Variants in NUP153 observed in about 807,000 individuals in gnomAD.
NUP153 encodes nucleoporin 153.
In NUP153, 27 loss-of-function variants were observed where a neutral mutation model predicts 134.6. That is an observed-to-expected ratio of 0.20 (90% CI 0.15 to 0.28). The LOEUF is 0.28. NUP153 is among the 10% of genes least tolerant of loss of function. NUP153 has a pLI of 1.00. For synonymous variants in NUP153, 640 were observed against 623.5 expected (o/e 1.03, Z -0.40); for missense variants, 1,821 against 1,731.3 (o/e 1.05, Z -0.92).
intron 20 of NUP153, among the ~76,000 whole-genome samples, chr6:17,618,069 T>C (rs1764432965): frequency 2.6e-5 from 4 of 152,152 alleles, no homozygotes; most frequent in African/African-American, 7.2e-5. Flanking sequence ...CCCAGAACAC[T>C]GGCAAATGAA....
At chr6:17,687,076 C>T (rs1317629056) in intron 2 of NUP153, among the ~76,000 whole-genome samples, 1 of 151,992 alleles carries the variant, frequency 6.6e-6, no homozygotes, top group Non-Finnish European at 1.5e-5. Context: ...TTGAGTTGAC[C>T]TTGGCATAAA....
intron 1 of NUP153, among the ~76,000 whole-genome samples, chr6:17,705,998 C>G (rs1183114800): frequency 1.3e-5 from 2 of 152,164 alleles, no homozygotes; most frequent in African/African-American, 4.8e-5. Flanking sequence ...CATGGGCCTA[C>G]AATTTCTTTT....
intron 17 of NUP153, among the ~76,000 whole-genome samples, chr6:17,631,411 T>TG (rs1414752534): frequency 6.6e-6 from 1 of 152,246 alleles, no homozygotes; most frequent in Non-Finnish European, 1.5e-5. Context: ...TACATGGATA[T>TG]GTTGCCTGGC....
chr6:17,631,079 G>A (rs1332331445), intron 17 of NUP153, among the ~76,000 whole-genome samples: 1 of 152,138 alleles, frequency 6.6e-6, no homozygotes, highest in Non-Finnish European at 1.5e-5. Context: ...ACACTTAAAT[G>A]CAGTGTTTTT....
At chr6:17,677,942 T>A (rs1161247019) in intron 2 of NUP153, among the ~76,000 whole-genome samples, 4 of 152,150 alleles carry the variant, frequency 2.6e-5, no homozygotes, top group African/African-American at 9.7e-5. Context: ...AGAGTTTTCT[T>A]ATTCTAACAC....
At chr6:17,704,443 T>C (rs539390500) in intron 1 of NUP153, among the ~76,000 whole-genome samples, 48 of 152,180 alleles carry the variant, frequency 3.2e-4, no homozygotes, top group Non-Finnish European at 3.8e-4. Flanking sequence ...AAGGCATTCA[T>C]AGGAGAAAAG....
In NUP153 at chr6:17,625,759, TAAGTA is replaced by T; in HGVS notation, c.3901+44_3901+48del. The T allele has an allele frequency of 7.3e-7, 1 of 1,374,580 alleles. No individual in the cohort carries two copies. Among genetic ancestry groups the T allele is most frequent in the South Asian group, 1.2e-5 (1 of 82,236 alleles). The allele number at this position is 1,374,580 out of a possible 1,614,324, so 85.1% of individuals were successfully genotyped here. The stretch of plus-strand genomic sequence containing the variant: ...TATTCGCTAAGAACTGACACACTAA[TAAGTA>T]AAGTCCATCCAATTACAATGCATTT... On this transcript the variant is annotated intron_variant, in intron 19 of 21. Coordinates refer to ENST00000262077, the MANE Select transcript of NUP153 (RefSeq NM_005124.4). This position sits in a 1 kb window ranked among gnomAD's most constrained non-coding sequence, Gnocchi z 4.7.
intron 11 of NUP153, among the ~76,000 whole-genome samples, chr6:17,654,049 A>C (rs768003375): frequency 9.9e-4 from 151 of 152,344 alleles, no homozygotes; most frequent in Non-Finnish European, 1.8e-3. Flanking sequence ...TTGATAAAGC[A>C]AATGTAACAC....
At chr6:17,705,591 G>GC (rs1001112359) in intron 1 of NUP153, among the ~76,000 whole-genome samples, 1 of 144,560 alleles carries the variant, frequency 6.9e-6, no homozygotes, top group East Asian at 2.1e-4. Flanking sequence ...GTGTTGGGGG[G>GC]GGGGAGGGGA....
chr6:17,649,266 A>G lies in NUP153; in HGVS notation c.1430T>C (p.Leu477Pro), dbSNP rs1340303872. The G allele has an allele frequency of 3.1e-6, 5 of 1,613,490 alleles. No homozygotes were observed. The Admixed American group carries it at 6.7e-5, about 22-fold the overall frequency. ...AGGCAGTGAAGAACTGGTGATCGGT[A>G]GAGAGATTTTCGGTAATACTGGAAC... ...MEVPVLPKIS[L>P]PITSSSLPTF... Residue 477 changes from leucine to proline, a missense_variant, in exon 12 of 22, where the codon CTA (leucine) becomes CCA (proline). Leu to Pro is a moderately conservative substitution (Grantham distance 98, BLOSUM62 -3). Transcript: ENST00000262077.
At chr6:17,694,493 T>C (rs1230078855) in intron 1 of NUP153, among the ~76,000 whole-genome samples, 1 of 151,788 alleles carries the variant, frequency 6.6e-6, no homozygotes, top group East Asian at 1.9e-4. Context: ...ACCCTGTCTC[T>C]ACAGAAATAC....
intron 14 of NUP153, among the ~76,000 whole-genome samples, chr6:17,642,252 T>C (rs1765877070): frequency 6.6e-6 from 1 of 152,142 alleles, no homozygotes; most frequent in African/African-American, 2.4e-5. Flanking sequence ...AATACCTCTG[T>C]CCATTCAAGG....
chr6:17,639,978 G>T lies in NUP153; in HGVS notation c.1807C>A (p.Leu603Met). 6.2e-7 allele frequency: 1 copy of T among 1,612,824 alleles called. No homozygotes were observed. The highest frequency in any genetic ancestry group is 8.5e-7 in the Non-Finnish European group (1 of 1,179,364). Residue 603 changes from leucine to methionine, a missense_variant, in exon 15 of 22, where the codon CTG becomes ATG. Coordinates refer to ENST00000262077, the MANE Select transcript of NUP153 (RefSeq NM_005124.4). ...CEGPFRPAEI[L>M]KEGSVLDILK... ...ATATCTAGAACACTTCCTTCTTTCA[G>T]GATTTCTGCAGGTCTAAAAGGACCC...
At chr6:17,686,800 G>T (rs529667600) in intron 2 of NUP153, among the ~76,000 whole-genome samples, 1 of 151,182 alleles carries the variant, frequency 6.6e-6, no homozygotes. Context: ...GGGGTAGGAA[G>T]GTAGGGAAAT....
At chr6:17,659,693 G>A (rs923929298) in intron 11 of NUP153, among the ~76,000 whole-genome samples, 1 of 152,056 alleles carries the variant, frequency 6.6e-6, no homozygotes, top group Non-Finnish European at 1.5e-5. Flanking sequence ...GGATGGTCTC[G>A]ATCTCTTGAC....
chr6:17,649,056 T>C, intron 12 of NUP153, 107 bp downstream of exon 12: 1 of 1,039,978 alleles, frequency 9.6e-7, no homozygotes, highest in Non-Finnish European at 1.4e-6. Context: ...TACTATGTTA[T>C]TAATTTCCAT....
intron 9 of NUP153, 32 bp from the exon 10 acceptor site, chr6:17,662,102 G>C: frequency 1.3e-6 from 2 of 1,597,192 alleles, no homozygotes; most frequent in Admixed American, 1.7e-5. Context: ...ATTTACGTTT[G>C]CTTATTTGTT....
In NUP153 at chr6:17,647,819, T is replaced by G; in HGVS notation, c.1620A>C (p.Leu540=). Residue 540 remains leucine (L), a synonymous_variant, in exon 13 of 22, where the codon CTA becomes CTC. Coordinates refer to ENST00000262077, the MANE Select transcript of NUP153 (RefSeq NM_005124.4). ...PIVKSTEANV[L]PPSSIGFTFS... ...GCTTGTTACTTACAGATGATGGAGG[T>G]AGTACATTTGCCTCAGTAGATTTTA... The G allele has an allele frequency of 6.3e-7, 1 of 1,586,270 alleles. No individual in the cohort carries two copies. The highest frequency in any genetic ancestry group is 1.1e-5 in the South Asian group (1 of 90,420).
chr6:17,644,244 T>C (rs569171062), intron 14 of NUP153, among the ~76,000 whole-genome samples: 24 of 152,306 alleles, frequency 1.6e-4, no homozygotes, highest in African/African-American at 5.1e-4. Context: ...CAGAAGATCA[T>C]TGAAGAAACG....
Sources: gnomAD v4.1 joint callset for allele counts (sites outside exome capture counted in the v4.1 genomes callset) on GRCh38, gnomAD v4.1.1 for gene constraint, Gnocchi (gnomAD v3.1) non-coding constraint, MANE v1.5 for transcripts, NCBI Gene and HGNC (gene_info 2026-07-23, HGNC 2026-07-21) for gene names.